TRAPPC10: variants seen among roughly 807,000 people sequenced by gnomAD.
The protein encoded by TRAPPC10 is TRAPP 130 kDa subunit.
Under a neutral mutation model 125.5 loss-of-function variants are expected in TRAPPC10, and 23 were observed. The ratio of observed to expected loss-of-function variants is 0.18; its 90% CI spans 0.13 to 0.26. TRAPPC10 has a LOEUF of 0.26. Among genes scored for constraint, TRAPPC10 ranks in the 10% least tolerant of loss-of-function variants. TRAPPC10 has a pLI of 1.00. For synonymous variants in TRAPPC10, 509 were observed against 518.0 expected (o/e 0.98, Z 0.24); for missense variants, 1,123 against 1,308.4 (o/e 0.86, Z 2.19).
At position 44,082,833 on chromosome 21, in the gene TRAPPC10, A is replaced by C. The variant is rs779783797; in HGVS notation, c.1769A>C (p.Asp590Ala). The change falls in exon 14 of 23, where the codon GAT becomes GCT. Residue 590 changes from aspartate (D) to alanine (A), a missense_variant. Coordinates refer to ENST00000291574, the MANE Select transcript of TRAPPC10 (RefSeq NM_003274.5). The surrounding 1 kb of genome is among the most constrained non-coding windows in gnomAD (Gnocchi z 4.4). Reference protein sequence around the residue: ...LPMHSFAQLRDLHFDPSNAVV... With the variant: ...LPMHSFAQLRALHFDPSNAVV... ...ATGCATTCCTTTGCACAACTGCGAG[A>C]TCTCCATTTTGATCCCTCCAATGCC... 1 of 1,613,666 alleles carries C rather than the reference A, an allele frequency of 6.2e-7. No individual in the cohort carries two copies. The highest frequency in any genetic ancestry group is 8.5e-7 in the Non-Finnish European group (1 of 1,179,984).
At chr21:44,014,252 A>G (rs2031539838) in intron 1 of TRAPPC10, among the ~76,000 whole-genome samples, 3 of 152,252 alleles carry the variant, frequency 2.0e-5, no homozygotes, top group Middle Eastern at 3.4e-3. Context: ...CCAGTGTTGG[A>G]GATATTTAAT....
At position 44,039,076 on chromosome 21, in the gene TRAPPC10, G is replaced by A. The variant is rs999030467; in HGVS notation, c.285+1149G>A. ...AATGTTCGATTTGATCACTCCTCCAGGAGTTGTCCGGTTCCTCCCTGGCGT... is the reference window on the plus strand; with the variant it reads ...AATGTTCGATTTGATCACTCCTCCAAGAGTTGTCCGGTTCCTCCCTGGCGT... On this transcript the variant is annotated intron_variant, in intron 3 of 22. Coordinates refer to ENST00000291574, the MANE Select transcript of TRAPPC10 (RefSeq NM_003274.5). Among the ~76,000 whole-genome samples, 43 of 152,230 alleles carry A rather than the reference G, an allele frequency of 2.8e-4. 1 individual carries two copies. Among genetic ancestry groups the A allele is most frequent in the Non-Finnish European group, 1.6e-4 (11 of 68,046 alleles).
chr21:44,074,224 G>T (rs2037104925), intron 7 of TRAPPC10, 100 bp from the exon 8 acceptor site: 7 of 1,457,372 alleles, frequency 4.8e-6, no homozygotes, highest in South Asian at 2.5e-5. Context: ...GCTGCTTGAA[G>T]GATGGAGGGT....
intron 2 of TRAPPC10, among the ~76,000 whole-genome samples, chr21:44,037,397 C>T (rs1051305434): frequency 4.6e-5 from 7 of 152,062 alleles, no homozygotes; most frequent in African/African-American, 1.5e-4. Context: ...CGAATGCAAC[C>T]CTAAAGCTTT....
chr21:44,081,613 C>G (rs981375736), intron 13 of TRAPPC10, among the ~76,000 whole-genome samples: 16 of 152,186 alleles, frequency 1.1e-4, no homozygotes, highest in African/African-American at 3.9e-4. Flanking sequence ...ATCAACCTGA[C>G]CCTGAAACTT....
chr21:44,037,324 A>G (rs941349004), intron 2 of TRAPPC10, among the ~76,000 whole-genome samples: 3 of 152,218 alleles, frequency 2.0e-5, no homozygotes, highest in African/African-American at 7.2e-5. Flanking sequence ...GCAAACAAAA[A>G]TATGTTATAT....
chr21:44,091,308 C>T (rs2038560526), intron 18 of TRAPPC10, among the ~76,000 whole-genome samples: 1 of 152,276 alleles, frequency 6.6e-6, no homozygotes, highest in Admixed American at 6.5e-5. Context: ...AGGGCTGCTG[C>T]TGTCTCCCCG....
intron 3 of TRAPPC10, among the ~76,000 whole-genome samples, chr21:44,041,407 G>A (rs891799738): frequency 2.6e-5 from 4 of 151,050 alleles, no homozygotes; most frequent in Non-Finnish European, 5.9e-5. Flanking sequence ...ATGGAGTTTC[G>A]CTCTTCTTGC....
chr21:44,068,061 A>G (rs972941333), intron 7 of TRAPPC10, among the ~76,000 whole-genome samples: 7 of 151,126 alleles, frequency 4.6e-5, no homozygotes, highest in African/African-American at 1.7e-4. Context: ...CAGAGGTTGC[A>G]GTGAGCCGAG....
chr21:44,092,196 C>A, intron 19 of TRAPPC10, 147 bp downstream of exon 19: 1 of 1,006,936 alleles, frequency 9.9e-7, no homozygotes, highest in Non-Finnish European at 1.4e-6. Context: ...CTCCGGCTGC[C>A]CTGAGGCTGG....
At chr21:44,040,153 T>C (rs981967084) in intron 3 of TRAPPC10, among the ~76,000 whole-genome samples, 1 of 152,204 alleles carries the variant, frequency 6.6e-6, no homozygotes, top group African/African-American at 2.4e-5. Flanking sequence ...TTCAGGGTTT[T>C]TGTAGTTAGT....
At chr21:44,018,453 C>T (rs1383357171) in intron 1 of TRAPPC10, among the ~76,000 whole-genome samples, 1 of 152,058 alleles carries the variant, frequency 6.6e-6, no homozygotes, top group African/African-American at 2.4e-5. Flanking sequence ...ATAATCCCAG[C>T]ACTTTGGGAG....
At chr21:44,044,495 G>A (rs145471915) in intron 3 of TRAPPC10, among the ~76,000 whole-genome samples, 31 of 151,778 alleles carry the variant, frequency 2.0e-4, no homozygotes, top group African/African-American at 6.0e-4. Context: ...TACTTGATGC[G>A]TGATATAAGA....
Position 44,047,565 on chromosome 21 carries a change from T to TGTGTGTGTGTGTGTGTGCGCGCGC in TRAPPC10, c.286-4714_286-4713insTGTGTGTGTGTGTGTGCGCGCGCG, listed in dbSNP as rs954810521. Among the ~76,000 whole-genome samples, 5 of 147,204 alleles carry TGTGTGTGTGTGTGTGTGCGCGCGC rather than the reference T, an allele frequency of 3.4e-5. No homozygotes were observed. The South Asian group carries it at 1.1e-3, about 32-fold the overall frequency. The stretch of plus-strand genomic sequence containing the variant: ...GTGTGTGTGTGTGTGTGTGTGTGTG[T>TGTGTGTGTGTGTGTGTGCGCGCGC]GCGCGCACACGCTACATGAAGTTCC... On this transcript the variant is annotated intron_variant, in intron 3 of 22. Transcript: ENST00000291574.
chr21:44,036,171 ACAAAG>A (rs1392791327), intron 2 of TRAPPC10, among the ~76,000 whole-genome samples: 2 of 152,224 alleles, frequency 1.3e-5, no homozygotes, highest in Non-Finnish European at 1.5e-5. Flanking sequence ...AATGAAGAAA[ACAAAG>A]CAAACAGAAA....
At chr21:44,094,018 C>T (rs370677521) in intron 19 of TRAPPC10, 45 bp from the exon 20 acceptor site, 25 of 1,577,786 alleles carry the variant, frequency 1.6e-5, no homozygotes, top group East Asian at 6.7e-5. Flanking sequence ...GTCCTCTTTG[C>T]GGTTATGGTG....
intron 10 of TRAPPC10, among the ~76,000 whole-genome samples, chr21:44,077,060 G>A (rs2037339564): frequency 6.6e-6 from 1 of 152,136 alleles, no homozygotes; most frequent in African/African-American, 2.4e-5. Flanking sequence ...GGCAACTTGA[G>A]CGTTTGGTCT....
chr21:44,052,569 A>G (rs2035297224), intron 4 of TRAPPC10, 93 bp downstream of exon 4: 1 of 1,221,946 alleles, frequency 8.2e-7, no homozygotes, highest in Non-Finnish European at 1.1e-6. Context: ...TTACTCAGCA[A>G]TCTCGAGTGA....
At chr21:44,073,561 A>T (rs563431078) in intron 7 of TRAPPC10, among the ~76,000 whole-genome samples, 1 of 152,136 alleles carries the variant, frequency 6.6e-6, no homozygotes, top group Non-Finnish European at 1.5e-5. Flanking sequence ...GGCTCAAGTA[A>T]ATACAGAAGC....
Sources: allele counts gnomAD v4.1 joint callset (sites outside exome capture counted in the v4.1 genomes callset), GRCh38; gene constraint gnomAD v4.1.1; non-coding constraint Gnocchi (gnomAD v3.1); transcripts MANE v1.5; gene names NCBI Gene and HGNC (gene_info 2026-07-23, HGNC 2026-07-21).